ARHGAP10: variants seen among roughly 807,000 people sequenced by gnomAD.
The protein encoded by ARHGAP10 is rho GTPase-activating protein 10.
A neutral mutation model predicts 108.6 loss-of-function variants in ARHGAP10; 87 were observed. That is an observed-to-expected ratio of 0.80 (90% CI 0.67 to 0.96). ARHGAP10 has a LOEUF of 0.96. ARHGAP10 is among the 40% of genes least tolerant of loss of function. ARHGAP10 has a pLI of 0.00. For missense variants in ARHGAP10, 939 were observed against 954.5 expected, an observed-to-expected ratio of 0.98 and a Z score of 0.21; for synonymous variants, 347 against 341.1, an observed-to-expected ratio of 1.02 and a Z score of -0.19.
chr4:147,874,412 G>A (rs538090599), intron 7 of ARHGAP10, among the ~76,000 whole-genome samples: 2 of 152,148 alleles, frequency 1.3e-5, no homozygotes, highest in Non-Finnish European at 2.9e-5. Flanking sequence ...TCAGAAATGT[G>A]ATTTGTCTCT....
chr4:147,918,368 C>T (rs1325901561), intron 13 of ARHGAP10, among the ~76,000 whole-genome samples: 1 of 152,064 alleles, frequency 6.6e-6, no homozygotes, highest in Non-Finnish European at 1.5e-5. Context: ...ATCTCCTGAC[C>T]TCGTGATCCA....
At chr4:147,824,563 G>A (rs1333210146) in intron 3 of ARHGAP10, among the ~76,000 whole-genome samples, 5 of 152,180 alleles carry the variant, frequency 3.3e-5, no homozygotes, top group East Asian at 3.8e-4. Context: ...TCACAGTTCC[G>A]CATTGCTGGG....
In ARHGAP10 at chr4:148,060,515, C is replaced by G. The variant is rs180987597; in HGVS notation, c.2028-2633C>G. 1.5e-4 allele frequency among the ~76,000 whole-genome samples: 23 copies of G among 152,224 alleles called. No individual in the cohort carries two copies. In the East Asian group the frequency reaches 3.5e-3, roughly 23 times the overall value. ...CACCTGATCCTTCCCAGCCGACAAG[C>G]CTCTGAAAAATTTCCTCTATCCAAG... On this transcript the variant is annotated intron_variant, in intron 20 of 22. Transcript: ENST00000336498.
intron 15 of ARHGAP10, among the ~76,000 whole-genome samples, chr4:147,952,670 T>C (rs1464951152): frequency 6.6e-6 from 1 of 152,140 alleles, no homozygotes; most frequent in African/African-American, 2.4e-5. Flanking sequence ...CTTTCTTAGA[T>C]ACCTGCTTTA....
chr4:147,735,984 T>C (rs1728395665), intron 1 of ARHGAP10, among the ~76,000 whole-genome samples: 1 of 152,266 alleles, frequency 6.6e-6, no homozygotes, highest in South Asian at 2.1e-4. Context: ...GCTTTTCTCA[T>C]AAATTTTACG....
At chr4:148,028,609 A>T (rs1258593414) in intron 19 of ARHGAP10, among the ~76,000 whole-genome samples, 1 of 152,224 alleles carries the variant, frequency 6.6e-6, no homozygotes, top group African/African-American at 2.4e-5. Flanking sequence ...GTTTAAAATG[A>T]TAAGAGGAAC....
chr4:147,815,909 C>T (rs1484236809), intron 1 of ARHGAP10, among the ~76,000 whole-genome samples: 1 of 152,180 alleles, frequency 6.6e-6, no homozygotes, highest in East Asian at 1.9e-4. Context: ...CCATTTTAGA[C>T]TTCTGACCTC....
chr4:147,924,971 AT>A (rs34560317), intron 13 of ARHGAP10, among the ~76,000 whole-genome samples: 19,976 of 146,648 alleles, frequency 0.14, 2,632 homozygotes, highest in African/African-American at 0.33. Context: ...AGAACTTTCT[AT>A]TTTTTTTTTT....
intron 1 of ARHGAP10, among the ~76,000 whole-genome samples, chr4:147,762,604 C>T (rs1203024585): frequency 2.0e-5 from 3 of 151,380 alleles, no homozygotes; most frequent in Non-Finnish European, 4.4e-5. Context: ...AATCTCGGCT[C>T]CTGCAAGCTC....
intron 10 of ARHGAP10, among the ~76,000 whole-genome samples, chr4:147,903,007 A>G (rs930079031): frequency 3.3e-5 from 5 of 152,118 alleles, no homozygotes; most frequent in African/African-American, 7.2e-5. Context: ...AGAAGGGGGA[A>G]GTCTACCCCT....
At chr4:147,858,797 C>CA (rs1483769227) in intron 5 of ARHGAP10, among the ~76,000 whole-genome samples, 1 of 152,002 alleles carries the variant, frequency 6.6e-6, no homozygotes, top group Non-Finnish European at 1.5e-5. Flanking sequence ...TTCAGGTATC[C>CA]AAAAAAAGAT....
intron 1 of ARHGAP10, among the ~76,000 whole-genome samples, chr4:147,743,947 A>G (rs899506877): frequency 1.3e-5 from 2 of 152,204 alleles, no homozygotes; most frequent in South Asian, 4.1e-4. Context: ...TTCAGTCATC[A>G]CTAGAACAAC....
intron 19 of ARHGAP10, among the ~76,000 whole-genome samples, chr4:148,024,337 C>T (rs1217563778): frequency 6.6e-6 from 1 of 152,148 alleles, no homozygotes; most frequent in Non-Finnish European, 1.5e-5. Context: ...CCTTGAGCTA[C>T]CCAGGTTACC....
chr4:147,913,857 T>A lies in ARHGAP10; in HGVS notation c.1228+718T>A, dbSNP rs117923162. ...CTCCATTGTTGTGTGGGTCCCTGTT[T>A]AAAAAAATCAGCTTGCCAGACGTGG... On this transcript the variant is annotated intron_variant, in intron 13 of 22. Transcript: ENST00000336498. Among the ~76,000 whole-genome samples, 149 of 152,194 alleles carry A rather than the reference T, an allele frequency of 9.8e-4. 2 individuals carry two copies. In the East Asian group the frequency reaches 0.022, roughly 22 times the overall value.
chr4:147,942,158 T>C (rs1738185733), intron 14 of ARHGAP10, among the ~76,000 whole-genome samples: 1 of 152,244 alleles, frequency 6.6e-6, no homozygotes, highest in Non-Finnish European at 1.5e-5. Context: ...TAGTGTTTAT[T>C]ATTATTCCTG....
intron 1 of ARHGAP10, among the ~76,000 whole-genome samples, chr4:147,736,936 C>T (rs1057038343): frequency 2.0e-5 from 3 of 152,026 alleles, no homozygotes; most frequent in Non-Finnish European, 4.4e-5. Context: ...TTCTACTTTT[C>T]TGTATTCTCT....
At chr4:148,059,175 A>T (rs980567756) in intron 20 of ARHGAP10, among the ~76,000 whole-genome samples, 10 of 152,236 alleles carry the variant, frequency 6.6e-5, no homozygotes, top group African/African-American at 2.4e-4. Context: ...CTGTTTTAGG[A>T]GATGCCTTTT....
chr4:147,738,019 G>GTTT (rs1194373271), intron 1 of ARHGAP10, among the ~76,000 whole-genome samples: 3 of 135,832 alleles, frequency 2.2e-5, no homozygotes, highest in Non-Finnish European at 1.6e-5. Context: ...TGTTGTTGTT[G>GTTT]TTTTTTTTTT....
chr4:147,747,437 G>A (rs1377108916), intron 1 of ARHGAP10, among the ~76,000 whole-genome samples: 1 of 152,218 alleles, frequency 6.6e-6, no homozygotes, highest in African/African-American at 2.4e-5. Context: ...ATGCCTAGAA[G>A]AAATAAATGC....
Sources: allele counts gnomAD v4.1 joint callset (sites outside exome capture counted in the v4.1 genomes callset), GRCh38; gene constraint gnomAD v4.1.1; transcripts MANE v1.5; gene names NCBI Gene and HGNC (gene_info 2026-07-23, HGNC 2026-07-21).